GABRB2: variants seen among roughly 807,000 people sequenced by gnomAD.
GABRB2 encodes gamma-aminobutyric acid receptor subunit beta-2.
In GABRB2, 16 loss-of-function variants were observed where a neutral mutation model predicts 54.7. The observed-to-expected ratio is 0.29, with a 90% CI of 0.20 to 0.44. The LOEUF (loss-of-function observed/expected upper bound fraction) is 0.44. Among genes scored for constraint, GABRB2 ranks in the 20% least tolerant of loss-of-function variants. The pLI is 1.00. For synonymous variants in GABRB2, 244 were observed against 233.8 expected (o/e 1.04, Z -0.40); for missense variants, 355 against 644.0 (o/e 0.55, Z 4.86).
At chr5:161,441,179 C>T (rs551119230) in intron 4 of GABRB2, among the ~76,000 whole-genome samples, 12 of 151,992 alleles carry the variant, frequency 7.9e-5, no homozygotes, top group East Asian at 3.9e-4. Context: ...AGAGACAACC[C>T]GAAGAATGAG....
chr5:161,342,268 G>A (rs1445209572), intron 5 of GABRB2, among the ~76,000 whole-genome samples: 2 of 151,842 alleles, frequency 1.3e-5, no homozygotes, highest in South Asian at 2.1e-4. Flanking sequence ...AGCATTTTAT[G>A]TGTACATCAC....
At chr5:161,401,576 A>G (rs1202586721) in intron 5 of GABRB2, among the ~76,000 whole-genome samples, 1 of 152,194 alleles carries the variant, frequency 6.6e-6, no homozygotes, top group East Asian at 1.9e-4. Flanking sequence ...TACCTTGTAC[A>G]ATAATTGTAA....
rs252943 is a variant in GABRB2, at chr5:161,330,579, G to T, written c.1077+304C>A. 73,398 of 222,728 alleles carry T rather than the reference G, an allele frequency of 0.33. 12,526 individuals are homozygous for T. The highest frequency in any genetic ancestry group is 0.38 in the African/African-American group (16,821 of 44,360). The allele number at this position is 222,728 out of a possible 1,614,324, so 13.8% of individuals were successfully genotyped here. A position where few individuals can be genotyped will look rare whatever the true frequency, so the allele number is the denominator to read the frequency against. On this transcript the variant is annotated intron_variant, in intron 8 of 9. Coordinates refer to ENST00000393959, the MANE Select transcript of GABRB2 (RefSeq NM_001371727.1). ...TAAATTTCCTTTTTAAATAAATTAG[G>T]TGAATAAATTTAAAGAATGCATAAA...
chr5:161,500,635 G>A (rs1759402972), intron 3 of GABRB2, among the ~76,000 whole-genome samples: 1 of 152,020 alleles, frequency 6.6e-6, no homozygotes, highest in Admixed American at 6.6e-5. Flanking sequence ...TGTCTGCAAT[G>A]ATTATAGACC....
chr5:161,401,228 G>A (rs1756178518), intron 5 of GABRB2, among the ~76,000 whole-genome samples: 1 of 152,166 alleles, frequency 6.6e-6, no homozygotes, highest in Non-Finnish European at 1.5e-5. Flanking sequence ...GTTTTCACTT[G>A]TGAGAGTGGG....
At chr5:161,430,272 A>G (rs1358981571) in intron 4 of GABRB2, among the ~76,000 whole-genome samples, 3 of 152,250 alleles carry the variant, frequency 2.0e-5, no homozygotes, top group Non-Finnish European at 4.4e-5. Flanking sequence ...CACAGCCAGG[A>G]TATCTATGAG....
intron 4 of GABRB2, among the ~76,000 whole-genome samples, chr5:161,423,981 G>C (rs545677764): frequency 6.6e-6 from 1 of 152,238 alleles, no homozygotes; most frequent in South Asian, 2.1e-4. Flanking sequence ...AAGGGAATCA[G>C]CTTAAATTCC....
chr5:161,488,406 TGGTCTTTA>T (rs2113346250), intron 3 of GABRB2, among the ~76,000 whole-genome samples: 1 of 151,836 alleles, frequency 6.6e-6, no homozygotes, highest in East Asian at 2.0e-4. Flanking sequence ...TCTCTCACTG[TGGTCTTTA>T]GTCTTCTTTA....
At chr5:161,451,135 A>C (rs1194338154) in intron 4 of GABRB2, among the ~76,000 whole-genome samples, 1 of 152,172 alleles carries the variant, frequency 6.6e-6, no homozygotes, top group Non-Finnish European at 1.5e-5. Context: ...GGATAAAATT[A>C]ATAAAATCCT....
At chr5:161,329,229 A>C (rs1753755748) in intron 8 of GABRB2, among the ~76,000 whole-genome samples, 1 of 152,216 alleles carries the variant, frequency 6.6e-6, no homozygotes. Context: ...GTCCTATGAG[A>C]TAGCATTATT....
At chr5:161,430,927 A>G (rs1757156344) in intron 4 of GABRB2, among the ~76,000 whole-genome samples, 1 of 152,188 alleles carries the variant, frequency 6.6e-6, no homozygotes, top group Non-Finnish European at 1.5e-5. Context: ...TCATTACAAG[A>G]TAGAAGACTT....
At chr5:161,315,999 C>CT (rs1286458721) in intron 9 of GABRB2, among the ~76,000 whole-genome samples, 2 of 152,024 alleles carry the variant, frequency 1.3e-5, no homozygotes, top group African/African-American at 4.8e-5. Flanking sequence ...GATGTATACT[C>CT]TTTGTAAGTG....
At chr5:161,490,356 C>T (rs1307711214) in intron 3 of GABRB2, among the ~76,000 whole-genome samples, 1 of 151,586 alleles carries the variant, frequency 6.6e-6, no homozygotes, top group Non-Finnish European at 1.5e-5. Context: ...AGGGTTAGAG[C>T]CTGGTCAGAG....
chr5:161,445,258 A>G (rs1421097757), intron 4 of GABRB2, among the ~76,000 whole-genome samples: 2 of 152,172 alleles, frequency 1.3e-5, no homozygotes, highest in African/African-American at 4.8e-5. Flanking sequence ...GTGATATGAA[A>G]GAGAGGGAAC....
rs1264841775 is a variant in GABRB2 at position 161,311,395 on chromosome 5, G to C, written c.1191+14973C>G. Among the ~76,000 whole-genome samples, 7 of 151,280 alleles carry C rather than the reference G, an allele frequency of 4.6e-5. No individual in the cohort carries two copies. The East Asian group carries it at 1.4e-3, about 29-fold the overall frequency. On this transcript the variant is annotated intron_variant, in intron 9 of 9. Transcript: ENST00000393959. ...GTGATTCAAATGTGCAACTCAGATA[G>C]AGAAATCTAGATTTATATTCCAGCT... is the stretch of plus-strand genomic sequence containing the variant.
intron 3 of GABRB2, among the ~76,000 whole-genome samples, chr5:161,505,487 T>C (rs543529240): frequency 1.3e-5 from 2 of 152,164 alleles, no homozygotes; most frequent in East Asian, 3.9e-4. Flanking sequence ...AAAGATATTA[T>C]AAGGACAGAA....
At chr5:161,428,053 T>A (rs1254793536) in intron 4 of GABRB2, among the ~76,000 whole-genome samples, 1 of 152,200 alleles carries the variant, frequency 6.6e-6, no homozygotes, top group African/African-American at 2.4e-5. Context: ...TTCAAAAGCA[T>A]ATTAGACTCT....
intron 4 of GABRB2, among the ~76,000 whole-genome samples, chr5:161,435,418 T>TA (rs560092427): frequency 3.0e-4 from 46 of 152,078 alleles, no homozygotes; most frequent in Non-Finnish European, 5.0e-4. Context: ...TCTGTGAAAA[T>TA]AAAAAAACAT....
intron 3 of GABRB2, among the ~76,000 whole-genome samples, chr5:161,544,329 C>T (rs1760905698): frequency 1.3e-5 from 2 of 152,282 alleles, no homozygotes; most frequent in South Asian, 2.1e-4. Flanking sequence ...AGAGGGACTT[C>T]TCCAAAGCAT....
Sources: allele counts gnomAD v4.1 joint callset (sites outside exome capture counted in the v4.1 genomes callset), GRCh38; gene constraint gnomAD v4.1.1; transcripts MANE v1.5; gene names NCBI Gene and HGNC (gene_info 2026-07-23, HGNC 2026-07-21).